FOXP2: variants seen among roughly 807,000 people sequenced by gnomAD.
The protein encoded by FOXP2 is forkhead box protein P2.
FOXP2 carries 12 observed loss-of-function variants against 115.8 expected under a neutral mutation model. The observed-to-expected ratio is 0.10, with a 90% CI of 0.07 to 0.17. The LOEUF (loss-of-function observed/expected upper bound fraction) is 0.17, where lower values mean the gene tolerates loss of function less well. Among genes scored for constraint, FOXP2 ranks in the 10% least tolerant of loss-of-function variants. The probability of loss-of-function intolerance (pLI) is 1.00; values close to 1 mark genes in which losing one functional copy is unlikely to be tolerated. For missense variants in FOXP2, 629 were observed against 843.5 expected, an observed-to-expected ratio of 0.75 and a Z score of 3.15; for synonymous variants, 328 against 297.7, an observed-to-expected ratio of 1.10 and a Z score of -1.05.
chr7:114,540,952 G>A (rs1354913856), intron 3 of FOXP2, among the ~76,000 whole-genome samples: 1 of 152,080 alleles, frequency 6.6e-6, no homozygotes, highest in African/African-American at 2.4e-5. Context: ...AGATTGGGTA[G>A]AAGGGGCTAT....
At chr7:114,350,790 A>G (rs555203485) in intron 2 of FOXP2, among the ~76,000 whole-genome samples, 84 of 152,216 alleles carry the variant, frequency 5.5e-4, no homozygotes, top group Middle Eastern at 6.8e-3. Flanking sequence ...TCATATTTTT[A>G]TTATATTTCT....
chr7:114,687,365 A>G (rs1279089671), intron 16 of FOXP2, among the ~76,000 whole-genome samples: 1 of 152,336 alleles, frequency 6.6e-6, no homozygotes, highest in East Asian at 1.9e-4. Context: ...CTGTCATAAT[A>G]TGCAAGTGTC....
intron 8 of FOXP2, among the ~76,000 whole-genome samples, chr7:114,649,695 G>A (rs1473161476): frequency 6.6e-6 from 1 of 151,962 alleles, no homozygotes; most frequent in Admixed American, 6.6e-5. Context: ...TTAAGTAGAG[G>A]GAATGAATAG....
rs190283213 is a variant in FOXP2 at position 114,383,031 on chromosome 7, C to T, written c.-10-43471C>T. On this transcript the variant is annotated intron_variant, in intron 2 of 17. Transcript: ENST00000634411. Reference sequence around the variant, plus strand: ...AACTGCCTGCTGGCCTGTGGGGAATCATTCTCTTTCCTCTGTTGTCATCCT... The same window carrying T: ...AACTGCCTGCTGGCCTGTGGGGAATTATTCTCTTTCCTCTGTTGTCATCCT... Among the ~76,000 whole-genome samples, 14 of 152,352 alleles carry T rather than the reference C, an allele frequency of 9.2e-5. No homozygotes were observed. In the East Asian group the frequency reaches 2.7e-3, roughly 29 times the overall value.
intron 2 of FOXP2, among the ~76,000 whole-genome samples, chr7:114,455,588 C>G (rs1249074789): frequency 6.6e-6 from 1 of 152,162 alleles, no homozygotes; most frequent in Non-Finnish European, 1.5e-5. Context: ...TGTTACCCTC[C>G]TCTCTATATC....
chr7:114,598,436 A>G (rs1002550872), intron 3 of FOXP2, among the ~76,000 whole-genome samples: 43 of 152,098 alleles, frequency 2.8e-4, no homozygotes, highest in African/African-American at 9.2e-4. Context: ...TCTGTCATCA[A>G]TGTTCTGATA....
At chr7:114,091,856 A>G (rs753166024) in intron 1 of FOXP2, among the ~76,000 whole-genome samples, 23 of 151,890 alleles carry the variant, frequency 1.5e-4, no homozygotes, top group Non-Finnish European at 2.4e-4. Context: ...AACCTTTTGC[A>G]TTTTTTGATT....
At chr7:114,503,445 AT>A (rs964489469) in intron 2 of FOXP2, among the ~76,000 whole-genome samples, 2 of 151,676 alleles carry the variant, frequency 1.3e-5, no homozygotes, top group Non-Finnish European at 3.0e-5. Context: ...AATGATCCTG[AT>A]TTTAGGGTAA....
chr7:114,100,291 T>G (rs968391686), intron 1 of FOXP2, among the ~76,000 whole-genome samples: 6 of 152,176 alleles, frequency 3.9e-5, no homozygotes, highest in African/African-American at 1.4e-4. Flanking sequence ...TCTTTATGTA[T>G]TAATATTCAT....
intron 2 of FOXP2, among the ~76,000 whole-genome samples, chr7:114,318,379 GT>G (rs201941261): frequency 0.023 from 2,669 of 116,710 alleles, 25 homozygotes; most frequent in African/African-American, 0.027. Context: ...GTCTCTCTTT[GT>G]TTTTTTTTTT....
At chr7:114,606,142 A>T (rs1459425141) in intron 3 of FOXP2, among the ~76,000 whole-genome samples, 2 of 152,184 alleles carry the variant, frequency 1.3e-5, no homozygotes, top group Non-Finnish European at 2.9e-5. Flanking sequence ...AAGAATAAAA[A>T]TTACCTTGGG....
intron 2 of FOXP2, among the ~76,000 whole-genome samples, chr7:114,373,410 A>G (rs1304543754): frequency 6.6e-6 from 1 of 152,182 alleles, no homozygotes. Flanking sequence ...ACGTAATCCA[A>G]CACAGCCTGT....
intron 1 of FOXP2, among the ~76,000 whole-genome samples, chr7:114,268,433 A>T (rs747480239): frequency 1.3e-5 from 2 of 152,196 alleles, no homozygotes; most frequent in East Asian, 1.9e-4. Flanking sequence ...ACAAACTCAG[A>T]TTAAGTACAA....
At chr7:114,298,096 C>A (rs1208026898) in intron 2 of FOXP2, among the ~76,000 whole-genome samples, 1 of 152,050 alleles carries the variant, frequency 6.6e-6, no homozygotes, top group African/African-American at 2.4e-5. Flanking sequence ...CTCAGGAAAT[C>A]GTGTGTCAGG....
chr7:114,094,345 A>T (rs1215392330), intron 1 of FOXP2, among the ~76,000 whole-genome samples: 1 of 152,220 alleles, frequency 6.6e-6, no homozygotes. Flanking sequence ...TTTTCATATA[A>T]GCATAATGCC....
chr7:114,464,362 A>T (rs1795715905), intron 2 of FOXP2, among the ~76,000 whole-genome samples: 1 of 152,354 alleles, frequency 6.6e-6, no homozygotes, highest in South Asian at 2.1e-4. Context: ...AGCAGTGTTC[A>T]CTAGAAGCAA....
chr7:114,182,788 A>G (rs1370818316), intron 1 of FOXP2, among the ~76,000 whole-genome samples: 1 of 152,138 alleles, frequency 6.6e-6, no homozygotes, highest in East Asian at 1.9e-4. Context: ...GAATTATTAT[A>G]CTACTAAAAC....
At chr7:114,393,429 G>C (rs1792657454) in intron 2 of FOXP2, among the ~76,000 whole-genome samples, 1 of 151,986 alleles carries the variant, frequency 6.6e-6, no homozygotes, top group Non-Finnish European at 1.5e-5. Flanking sequence ...GAGTAAGGAA[G>C]GTGTATACAA....
At chr7:114,209,285 C>A (rs768039011) in intron 1 of FOXP2, among the ~76,000 whole-genome samples, 2 of 152,176 alleles carry the variant, frequency 1.3e-5, no homozygotes, top group Non-Finnish European at 2.9e-5. Context: ...GCGGCCTCTC[C>A]AGCCATGCTG....
Sources: allele counts gnomAD v4.1 joint callset (sites outside exome capture counted in the v4.1 genomes callset), GRCh38; gene constraint gnomAD v4.1.1; transcripts MANE v1.5; gene names NCBI Gene and HGNC (gene_info 2026-07-23, HGNC 2026-07-21).